Variants in CCSER1 observed in about 807,000 individuals in gnomAD.
CCSER1 encodes coiled-coil serine rich protein 1.
In CCSER1, 41 loss-of-function variants were observed where a neutral mutation model predicts 82.0. That is an observed-to-expected ratio of 0.50 (90% CI 0.39 to 0.65). CCSER1 has a LOEUF of 0.65. CCSER1 is among the 30% of genes least tolerant of loss of function. The pLI is 0.00. For synonymous variants in CCSER1, 414 were observed against 383.9 expected (o/e 1.08, Z -0.92); for missense variants, 1,119 against 1,064.2 (o/e 1.05, Z -0.72).
chr4:91,481,687 A>C (rs1757923370), intron 10 of CCSER1, among the ~76,000 whole-genome samples: 1 of 152,226 alleles, frequency 6.6e-6, no homozygotes, highest in African/African-American at 2.4e-5. Flanking sequence ...AGCCATTGCT[A>C]CAATCAGCCA....
At chr4:90,334,068 T>G (rs114029571) in intron 3 of CCSER1, among the ~76,000 whole-genome samples, 4,265 of 152,274 alleles carry the variant, frequency 0.028, 66 homozygotes, top group South Asian at 0.044. Context: ...TTCTTTCTGT[T>G]TTGTATTCTT....
At chr4:91,523,911 G>C (rs1760638499) in intron 10 of CCSER1, among the ~76,000 whole-genome samples, 2 of 152,218 alleles carry the variant, frequency 1.3e-5, no homozygotes, top group African/African-American at 4.8e-5. Flanking sequence ...CTTGCCTTCT[G>C]CTAGCCTTTG....
intron 8 of CCSER1, among the ~76,000 whole-genome samples, chr4:90,918,694 C>T (rs914898257): frequency 2.6e-5 from 4 of 151,022 alleles, no homozygotes; most frequent in African/African-American, 9.7e-5. Context: ...AAAATTAGGA[C>T]CCAGCCTTTT....
intron 10 of CCSER1, among the ~76,000 whole-genome samples, chr4:91,392,365 A>G (rs1033510082): frequency 3.4e-5 from 5 of 148,916 alleles, no homozygotes; most frequent in African/African-American, 1.3e-4. Context: ...CTACACATGC[A>G]CACACACACA....
chr4:91,540,853 T>A (rs546298622), intron 10 of CCSER1, among the ~76,000 whole-genome samples: 8 of 152,290 alleles, frequency 5.3e-5, no homozygotes, highest in African/African-American at 1.9e-4. Context: ...ATCAGTTGAT[T>A]ATATTTAAGT....
chr4:91,058,386 C>T (rs1052254048), intron 9 of CCSER1, among the ~76,000 whole-genome samples: 1 of 152,028 alleles, frequency 6.6e-6, no homozygotes, highest in Non-Finnish European at 1.5e-5. Flanking sequence ...AAACTAAAAC[C>T]CATGTTCTTA....
chr4:90,645,784 C>T (rs1212693939), intron 6 of CCSER1, among the ~76,000 whole-genome samples: 4 of 152,090 alleles, frequency 2.6e-5, no homozygotes, highest in Non-Finnish European at 5.9e-5. Flanking sequence ...AACCAAAAGC[C>T]AATTTTCTAA....
intron 3 of CCSER1, among the ~76,000 whole-genome samples, chr4:90,387,742 A>G (rs1441374050): frequency 3.3e-5 from 5 of 152,168 alleles, no homozygotes; most frequent in Admixed American, 3.3e-4. Context: ...GTTGCCACAC[A>G]TCAATTCCAG....
intron 1 of CCSER1, among the ~76,000 whole-genome samples, chr4:90,148,797 A>G (rs542158664): frequency 2.0e-5 from 3 of 151,978 alleles, no homozygotes; most frequent in South Asian, 4.1e-4. Context: ...TTTTTTCTCT[A>G]TCTTATTCTG....
chr4:91,410,571 C>T (rs1298631889), intron 10 of CCSER1, among the ~76,000 whole-genome samples: 1 of 152,132 alleles, frequency 6.6e-6, no homozygotes, highest in African/African-American at 2.4e-5. Context: ...AGGTACCAAG[C>T]AGCCAACCAA....
chr4:90,518,788 AG>A (rs1287131251), intron 5 of CCSER1, among the ~76,000 whole-genome samples: 2 of 151,926 alleles, frequency 1.3e-5, no homozygotes, highest in Non-Finnish European at 2.9e-5. Flanking sequence ...AATCTTATAA[AG>A]GCTAAATATA....
At chr4:91,072,540 T>C (rs1313083837) in intron 9 of CCSER1, among the ~76,000 whole-genome samples, 17 of 152,134 alleles carry the variant, frequency 1.1e-4, no homozygotes, top group Admixed American at 1.1e-3. Flanking sequence ...ACTCATTTAA[T>C]AGGTTACTCA....
chr4:90,733,474 T>A (rs1417088559), intron 7 of CCSER1, among the ~76,000 whole-genome samples: 2 of 152,182 alleles, frequency 1.3e-5, no homozygotes, highest in African/African-American at 4.8e-5. Flanking sequence ...TTTTCTCCCG[T>A]TCTGTGAGTT....
intron 9 of CCSER1, among the ~76,000 whole-genome samples, chr4:90,935,539 G>A (rs1730823172): frequency 6.6e-6 from 1 of 152,110 alleles, no homozygotes; most frequent in African/African-American, 2.4e-5. Context: ...TAAGATATGA[G>A]GTGAAGGCTA....
At chr4:90,905,144 G>T (rs1382351894) in intron 8 of CCSER1, among the ~76,000 whole-genome samples, 1 of 152,000 alleles carries the variant, frequency 6.6e-6, no homozygotes, top group Non-Finnish European at 1.5e-5. Flanking sequence ...ATTTCCTCTA[G>T]ACAATTGCAT....
chr4:90,190,542 C>G (rs1056155118), intron 1 of CCSER1, among the ~76,000 whole-genome samples: 1 of 152,092 alleles, frequency 6.6e-6, no homozygotes, highest in Non-Finnish European at 1.5e-5. Context: ...TTTAACACCA[C>G]CGGGGCTTTC....
intron 9 of CCSER1, among the ~76,000 whole-genome samples, chr4:91,066,518 T>C (rs1332432987): frequency 6.6e-6 from 1 of 152,136 alleles, no homozygotes; most frequent in East Asian, 1.9e-4. Context: ...ATCATCCATA[T>C]CACAGTAAAA....
intron 3 of CCSER1, among the ~76,000 whole-genome samples, chr4:90,353,507 TA>T (rs1021838355): frequency 2.0e-5 from 3 of 152,210 alleles, no homozygotes; most frequent in Admixed American, 2.0e-4. Context: ...AAGAGGCAAA[TA>T]AAGGAAAATT....
chr4:90,853,890 A>G (rs1764158687), intron 8 of CCSER1, among the ~76,000 whole-genome samples: 1 of 152,114 alleles, frequency 6.6e-6, no homozygotes, highest in Non-Finnish European at 1.5e-5. Context: ...GTAACAATAA[A>G]CCATGGGAAG....
Sources: gnomAD v4.1 joint callset for allele counts (sites outside exome capture counted in the v4.1 genomes callset) on GRCh38, gnomAD v4.1.1 for gene constraint, MANE v1.5 for transcripts, NCBI Gene and HGNC (gene_info 2026-07-23, HGNC 2026-07-21) for gene names.